Variants in CRTAM observed in about 807,000 individuals in gnomAD.
The protein encoded by CRTAM is cytotoxic and regulatory T-cell molecule.
In CRTAM, 44 loss-of-function variants were observed where a neutral mutation model predicts 50.0. The ratio of observed to expected loss-of-function variants is 0.88; its 90% CI spans 0.69 to 1.13. CRTAM has a LOEUF of 1.13. Ranked by LOEUF, CRTAM falls within the 50% of genes most tolerant of loss-of-function variation. CRTAM has a pLI of 0.00. For missense variants in CRTAM, 448 were observed against 457.5 expected (o/e 0.98, Z 0.19); for synonymous variants, 159 against 169.3 (o/e 0.94, Z 0.47).
chr11:122,868,404 C>T (rs899356799), intron 9 of CRTAM, among the ~76,000 whole-genome samples: 2 of 151,966 alleles, frequency 1.3e-5, no homozygotes, highest in Admixed American at 6.6e-5. Context: ...TCCTGAAATC[C>T]GAAGCTAGGG....
chr11:122,863,916 G>T (rs757200079), intron 6 of CRTAM, among the ~76,000 whole-genome samples: 1 of 151,968 alleles, frequency 6.6e-6, no homozygotes, highest in Admixed American at 6.6e-5. Context: ...ACATAGTGGC[G>T]CTGTGCAATG....
At chr11:122,851,886 A>G in intron 3 of CRTAM, 41 bp downstream of exon 3, 1 of 1,588,618 alleles carries the variant, frequency 6.3e-7, no homozygotes, top group Non-Finnish European at 8.6e-7. Context: ...AGCAATATGG[A>G]TAGGAACACG....
At chr11:122,870,286 G>T (rs1248182011) in intron 9 of CRTAM, among the ~76,000 whole-genome samples, 2 of 152,070 alleles carry the variant, frequency 1.3e-5, no homozygotes, top group Non-Finnish European at 2.9e-5. Flanking sequence ...TCACCATGTT[G>T]CCCAGGCTGG....
intron 1 of CRTAM, among the ~76,000 whole-genome samples, chr11:122,849,007 T>C (rs866916108): frequency 4.4e-4 from 67 of 152,210 alleles, no homozygotes; most frequent in African/African-American, 1.5e-3. Context: ...TCTCTGGGGG[T>C]TGTGATTCGG....
At chr11:122,849,921 C>T (rs1285156821) in intron 1 of CRTAM, 147 bp from the exon 2 acceptor site, 4 of 641,906 alleles carry the variant, frequency 6.2e-6, no homozygotes, top group Non-Finnish European at 9.7e-6. Flanking sequence ...TCAGTTCTTG[C>T]CTCTCCCCTC....
chr11:122,841,260 T>C (rs1402551294), intron 1 of CRTAM, among the ~76,000 whole-genome samples: 1 of 152,222 alleles, frequency 6.6e-6, no homozygotes, highest in Non-Finnish European at 1.5e-5. Context: ...GACAGTCATG[T>C]AACTAGGGCT....
intron 1 of CRTAM, among the ~76,000 whole-genome samples, chr11:122,849,187 C>T (rs1199053262): frequency 6.6e-6 from 1 of 152,226 alleles, no homozygotes; most frequent in African/African-American, 2.4e-5. Context: ...TTATAACATT[C>T]TTTCTTAGAA....
chr11:122,848,422 G>A (rs1861892184), intron 1 of CRTAM, among the ~76,000 whole-genome samples: 2 of 152,156 alleles, frequency 1.3e-5, no homozygotes, highest in Admixed American at 6.5e-5. Context: ...TTATGCCCCA[G>A]TGCTTTTTTT....
At chr11:122,839,354 C>A (rs1216206782) in intron 1 of CRTAM, among the ~76,000 whole-genome samples, 1 of 152,146 alleles carries the variant, frequency 6.6e-6, no homozygotes, top group Non-Finnish European at 1.5e-5. Context: ...ACCAAACTCC[C>A]TGGATTGTTA....
chr11:122,863,206 C>A (rs1053511539), intron 6 of CRTAM, among the ~76,000 whole-genome samples: 1 of 145,540 alleles, frequency 6.9e-6, no homozygotes, highest in Non-Finnish European at 1.5e-5. Context: ...CCAGCAATAG[C>A]AGCTTCTCAG....
At chr11:122,865,192 A>T (rs544347391) in intron 7 of CRTAM, among the ~76,000 whole-genome samples, 1 of 151,860 alleles carries the variant, frequency 6.6e-6, no homozygotes, top group South Asian at 2.1e-4. Context: ...ACACGCCACC[A>T]CCCCAGCTAA....
chr11:122,843,968 C>T (rs1861830068), intron 1 of CRTAM, among the ~76,000 whole-genome samples: 1 of 152,182 alleles, frequency 6.6e-6, no homozygotes, highest in South Asian at 2.1e-4. Flanking sequence ...ATGGGGTCTA[C>T]ATGATAACAC....
rs1861895202 is a variant in CRTAM, at chr11:122,848,652, C to G, written c.47-1416C>G. On this transcript the variant is annotated intron_variant, in intron 1 of 9. Coordinates refer to ENST00000227348, the MANE Select transcript of CRTAM (RefSeq NM_019604.4). ...AGTAGACACCAATTAATTCCCAGAG[C>G]TCTCCAAAGCACTTTTCCTAATACT... 3.3e-5 allele frequency among the ~76,000 whole-genome samples: 5 copies of G among 152,190 alleles called. No individual in the cohort carries two copies. In the South Asian group the frequency reaches 1.0e-3, roughly 32 times the overall value.
intron 7 of CRTAM, among the ~76,000 whole-genome samples, chr11:122,865,130 G>A (rs1176646617): frequency 6.6e-6 from 1 of 151,640 alleles, no homozygotes; most frequent in Non-Finnish European, 1.5e-5. Flanking sequence ...TCCACCTCCC[G>A]GGTTCAAGTG....
At chr11:122,864,795 T>C (rs1418122908) in intron 7 of CRTAM, 76 bp downstream of exon 7, 1 of 1,068,030 alleles carries the variant, frequency 9.4e-7, no homozygotes, top group Non-Finnish European at 1.4e-6. Flanking sequence ...ATGGCCTTTG[T>C]CAGTCCTCCC....
chr11:122,838,822 GTC>G (rs1861763931), intron 1 of CRTAM, among the ~76,000 whole-genome samples: 1 of 152,134 alleles, frequency 6.6e-6, no homozygotes, highest in South Asian at 2.1e-4. Context: ...TATAGTGTGT[GTC>G]TCTGTGGGTC....
At chr11:122,853,322 G>T (rs1229622719) in intron 3 of CRTAM, among the ~76,000 whole-genome samples, 3 of 151,724 alleles carry the variant, frequency 2.0e-5, no homozygotes, top group Non-Finnish European at 4.4e-5. Context: ...TGCCTGCCTT[G>T]GTCTCCCAAA....
chr11:122,849,342 C>T (rs1398732284), intron 1 of CRTAM, among the ~76,000 whole-genome samples: 1 of 152,206 alleles, frequency 6.6e-6, no homozygotes, highest in Non-Finnish European at 1.5e-5. Flanking sequence ...GGGTACAGAT[C>T]CCAGCTCAAT....
At chr11:122,855,315 G>A (rs1861991575) in intron 4 of CRTAM, among the ~76,000 whole-genome samples, 2 of 152,220 alleles carry the variant, frequency 1.3e-5, no homozygotes, top group South Asian at 4.1e-4. Flanking sequence ...TGGAGTTCTA[G>A]AGAGAAAAGA....
Sources: gnomAD v4.1 joint callset for allele counts (sites outside exome capture counted in the v4.1 genomes callset) on GRCh38, gnomAD v4.1.1 for gene constraint, MANE v1.5 for transcripts, NCBI Gene and HGNC (gene_info 2026-07-23, HGNC 2026-07-21) for gene names.